ARL15: variants seen among roughly 807,000 people sequenced by gnomAD.
ARL15 encodes ADP-ribosylation factor-like protein 15.
Under a neutral mutation model 25.2 loss-of-function variants are expected in ARL15, and 19 were observed. The observed-to-expected ratio is 0.75, with a 90% CI of 0.53 to 1.10. The LOEUF is 1.10. ARL15 is among the 50% of genes least tolerant of loss of function. The pLI, the probability that ARL15 is intolerant of heterozygous loss-of-function variation, is 0.00. For missense variants in ARL15, 220 were observed against 246.0 expected (o/e 0.89, Z 0.71); for synonymous variants, 94 against 86.8 (o/e 1.08, Z -0.46).
chr5:54,138,806 A>G (rs1309159438), intron 3 of ARL15, among the ~76,000 whole-genome samples: 1 of 152,166 alleles, frequency 6.6e-6, no homozygotes, highest in Non-Finnish European at 1.5e-5. Context: ...TCTACAAGGA[A>G]CTCAAACAAA....
intron 3 of ARL15, among the ~76,000 whole-genome samples, chr5:54,124,253 A>G (rs980487739): frequency 6.6e-6 from 1 of 152,146 alleles, no homozygotes; most frequent in Non-Finnish European, 1.5e-5. Flanking sequence ...AGAAGATATC[A>G]CTCCTTTCAT....
intron 1 of ARL15, among the ~76,000 whole-genome samples, chr5:54,283,954 C>A (rs1405177573): frequency 6.6e-6 from 1 of 152,150 alleles, no homozygotes; most frequent in East Asian, 1.9e-4. Context: ...CTTAATGTAG[C>A]TCCAGTGACA....
chr5:53,973,819 C>T (rs149076129), intron 4 of ARL15, among the ~76,000 whole-genome samples: 17 of 151,936 alleles, frequency 1.1e-4, no homozygotes, highest in African/African-American at 2.4e-4. Flanking sequence ...TTTCTGTGAG[C>T]GGGCAATTTT....
chr5:54,094,582 A>G (rs376381984), intron 4 of ARL15, among the ~76,000 whole-genome samples: 1 of 151,264 alleles, frequency 6.6e-6, no homozygotes, highest in Non-Finnish European at 1.5e-5. Context: ...AAGATATGCT[A>G]TAATACCTTA....
rs778383911 is a variant in ARL15 at position 53,942,448 on chromosome 5, T to C, written c.463-55735A>G. 3.9e-5 allele frequency among the ~76,000 whole-genome samples: 6 copies of C among 152,146 alleles called. 1 individual carries two copies. ...CAGTTTATAGGCATCATTGGTGTAT[T>C]TAAAACCATGGACCAAGGACCAGGC... is the stretch of plus-strand genomic sequence containing the variant. On this transcript the variant is annotated intron_variant, in intron 4 of 4. Coordinates refer to ENST00000504924, the MANE Select transcript of ARL15 (RefSeq NM_019087.3).
At chr5:53,905,702 T>C (rs1265372724) in intron 4 of ARL15, among the ~76,000 whole-genome samples, 1 of 152,214 alleles carries the variant, frequency 6.6e-6, no homozygotes, top group Admixed American at 6.5e-5. Flanking sequence ...AATTCATTTT[T>C]CCTTTGGTAA....
chr5:54,039,220 C>T (rs1036650898), intron 4 of ARL15, among the ~76,000 whole-genome samples: 1 of 152,084 alleles, frequency 6.6e-6, no homozygotes, highest in Non-Finnish European at 1.5e-5. Context: ...TATAGTGAGG[C>T]TGTCCAAGTC....
intron 4 of ARL15, among the ~76,000 whole-genome samples, chr5:53,978,619 C>G (rs1249092617): frequency 2.3e-5 from 1 of 43,580 alleles, no homozygotes; most frequent in Non-Finnish European, 5.2e-5. Context: ...GACCCTGTCT[C>G]TACAAAAAAA....
chr5:54,267,785 G>A (rs1326421258), intron 1 of ARL15, among the ~76,000 whole-genome samples: 2 of 152,062 alleles, frequency 1.3e-5, no homozygotes, highest in African/African-American at 4.8e-5. Flanking sequence ...TAAGAATGTT[G>A]AATATTGGCC....
At chr5:54,243,619 G>A (rs1254713910) in intron 1 of ARL15, among the ~76,000 whole-genome samples, 1 of 152,172 alleles carries the variant, frequency 6.6e-6, no homozygotes, top group Non-Finnish European at 1.5e-5. Context: ...AGGGACCAAG[G>A]AAATGGTTAT....
intron 4 of ARL15, among the ~76,000 whole-genome samples, chr5:54,005,246 C>T (rs537003021): frequency 1.7e-4 from 25 of 145,332 alleles, no homozygotes; most frequent in Non-Finnish European, 3.0e-4. Context: ...TGGCAGAAGA[C>T]AAGACACCCC....
intron 2 of ARL15, among the ~76,000 whole-genome samples, chr5:54,167,536 GTTC>G (rs1375378343): frequency 5.9e-5 from 9 of 152,246 alleles, no homozygotes; most frequent in Admixed American, 5.9e-4. Context: ...TGCTGTTGTT[GTTC>G]TTCTTCTTTT....
intron 4 of ARL15, among the ~76,000 whole-genome samples, chr5:54,066,915 G>A (rs1751252284): frequency 6.6e-6 from 1 of 152,068 alleles, no homozygotes; most frequent in Non-Finnish European, 1.5e-5. Context: ...TATATATGGG[G>A]GTAGGTGCTG....
At chr5:54,105,719 A>G (rs558869271) in intron 4 of ARL15, among the ~76,000 whole-genome samples, 2 of 152,216 alleles carry the variant, frequency 1.3e-5, no homozygotes, top group East Asian at 3.9e-4. Context: ...AGTAGCTGGG[A>G]CTACAGGGGC....
intron 1 of ARL15, among the ~76,000 whole-genome samples, chr5:54,215,973 T>TATTGA (rs1442019379): frequency 2.6e-5 from 4 of 152,220 alleles, no homozygotes; most frequent in Non-Finnish European, 1.5e-5. Context: ...AAGGGCCTCC[T>TATTGA]ATTGAACTCC....
At chr5:54,197,074 C>T (rs1483920330) in intron 1 of ARL15, among the ~76,000 whole-genome samples, 1 of 151,996 alleles carries the variant, frequency 6.6e-6, no homozygotes, top group Non-Finnish European at 1.5e-5. Flanking sequence ...TTCTTCACAA[C>T]ACATAGATTT....
intron 1 of ARL15, among the ~76,000 whole-genome samples, chr5:54,245,620 CT>C (rs1463229260): frequency 6.6e-6 from 1 of 151,880 alleles, no homozygotes; most frequent in Non-Finnish European, 1.5e-5. Context: ...TGGAGTTTTG[CT>C]CTGCTGTCCA....
intron 1 of ARL15, among the ~76,000 whole-genome samples, chr5:54,199,943 A>G (rs1426038039): frequency 6.8e-6 from 1 of 146,278 alleles, no homozygotes; most frequent in Non-Finnish European, 1.5e-5. Context: ...GCACATATAC[A>G]CCATGGAATA....
chr5:54,139,482 A>C (rs969688150), intron 3 of ARL15, among the ~76,000 whole-genome samples: 2 of 152,194 alleles, frequency 1.3e-5, no homozygotes, highest in Non-Finnish European at 2.9e-5. Flanking sequence ...AAAGGCATAC[A>C]GAGTGGTACA....
Sources: gnomAD v4.1 joint callset for allele counts (sites outside exome capture counted in the v4.1 genomes callset) on GRCh38, gnomAD v4.1.1 for gene constraint, MANE v1.5 for transcripts, NCBI Gene and HGNC (gene_info 2026-07-23, HGNC 2026-07-21) for gene names.